MORC4: variants seen among roughly 807,000 people sequenced by gnomAD.
MORC4 encodes MORC family CW-type zinc finger 4, also known as MORC family CW-type zinc finger protein 4.
A neutral mutation model predicts 65.5 loss-of-function variants in MORC4; 22 were observed. That is an observed-to-expected ratio of 0.34 (90% CI 0.24 to 0.48). The LOEUF (loss-of-function observed/expected upper bound fraction) is 0.48. MORC4 is among the 20% of genes least tolerant of loss of function. The pLI is 0.99. For synonymous variants in MORC4, 267 were observed against 255.8 expected (o/e 1.04, Z -0.42); for missense variants, 624 against 703.0 (o/e 0.89, Z 1.27).
intron 3 of MORC4, 30 bp downstream of exon 3, chrX:106,993,200 A>G (rs1486507092): frequency 1.5e-5 from 18 of 1,196,493 alleles, no homozygotes; most frequent in Non-Finnish European, 2.0e-5. Flanking sequence ...TGAGCTTAAG[A>G]CAAGAAAAAG....
chrX:106,990,739 G>A (rs1162617595), intron 3 of MORC4, among the ~76,000 whole-genome samples: 2 of 111,724 alleles, frequency 1.8e-5, no homozygotes, highest in African/African-American at 6.5e-5. Context: ...GGGCGTGATT[G>A]TACCTGCCTG....
Position 106,960,325 on chromosome X carries a change from G to C in MORC4, c.1256+1687C>G, listed in dbSNP as rs768067050. On this transcript the variant is annotated intron_variant, in intron 10 of 16. Coordinates refer to ENST00000355610, the MANE Select transcript of MORC4 (RefSeq NM_024657.5). The stretch of plus-strand genomic sequence containing the variant: ...AGATCATGGTAGATCCTTCAATCCA[G>C]GCAGACAGGAGAGGCTTTTAGCCCA... Among the ~76,000 whole-genome samples, 8 of 112,378 alleles carry C rather than the reference G, an allele frequency of 7.1e-5. No individual in the cohort carries two copies. In the South Asian group the frequency reaches 2.6e-3, roughly 37 times the overall value.
At chrX:106,984,155 G>A (rs766551440) in intron 5 of MORC4, among the ~76,000 whole-genome samples, 122 of 109,309 alleles carry the variant, frequency 1.1e-3, no homozygotes, top group African/African-American at 3.9e-3. Flanking sequence ...ACATGGTGGC[G>A]CACACCTGTA....
intron 14 of MORC4, among the ~76,000 whole-genome samples, chrX:106,947,571 T>TTATATATATATATATATATATAATA (rs764069844): frequency 3.8e-5 from 3 of 77,956 alleles, no homozygotes; most frequent in Non-Finnish European, 7.0e-5. Flanking sequence ...TATATATATA[T>TTATATATATATATATATATATAATA]TATATATATA....
chrX:106,977,184 C>T (rs1340156329), intron 8 of MORC4, among the ~76,000 whole-genome samples: 1 of 111,793 alleles, frequency 8.9e-6, no homozygotes, highest in Non-Finnish European at 1.9e-5. Flanking sequence ...GTCACACTTA[C>T]AGCAATTATT....
intron 3 of MORC4, among the ~76,000 whole-genome samples, chrX:106,991,761 C>T (rs1055089367): frequency 4.5e-5 from 5 of 110,768 alleles, no homozygotes; most frequent in African/African-American, 1.3e-4. Flanking sequence ...AAAAATTAGC[C>T]GGGCATGGTG....
intron 10 of MORC4, 36 bp downstream of exon 10, chrX:106,961,976 C>G: frequency 9.7e-7 from 1 of 1,029,650 alleles, no homozygotes; most frequent in Non-Finnish European, 1.4e-6. Flanking sequence ...ATGGATATTA[C>G]CCCTAATACA....
chrX:106,999,575 CGGCCCG>C, intron 2 of MORC4, 96 bp downstream of exon 2: 1 of 814,036 alleles, frequency 1.2e-6, no homozygotes. Context: ...ACCCCAGCCC[CGGCCCG>C]CCCCGCGCGG....
intron 9 of MORC4, among the ~76,000 whole-genome samples, chrX:106,963,846 C>T (rs1362624357): frequency 2.7e-5 from 3 of 109,367 alleles, no homozygotes; most frequent in African/African-American, 1.0e-4. Context: ...CAGGTCAATC[C>T]TTGGCACAGA....
chrX:106,980,770 T>C, intron 7 of MORC4, 121 bp downstream of exon 7: 1 of 598,391 alleles, frequency 1.7e-6, no homozygotes, highest in East Asian at 3.4e-5. Flanking sequence ...TAATAGAATG[T>C]GTACTATGAC....
At chrX:106,999,384 A>G (rs1935136996) in intron 2 of MORC4, among the ~76,000 whole-genome samples, 1 of 111,234 alleles carries the variant, frequency 9.0e-6, no homozygotes, top group South Asian at 3.8e-4. Context: ...TCTCCTTTTG[A>G]TTACTAACTA....
chrX:106,989,775 G>A (rs1197789957), intron 3 of MORC4, among the ~76,000 whole-genome samples: 1 of 107,325 alleles, frequency 9.3e-6, no homozygotes, highest in East Asian at 2.9e-4. Context: ...GCTGAGGTAG[G>A]AGAATCACTT....
At chrX:106,969,971 A>G (rs1437193185) in intron 9 of MORC4, among the ~76,000 whole-genome samples, 5 of 112,020 alleles carry the variant, frequency 4.5e-5, no homozygotes, top group Non-Finnish European at 9.4e-5. Flanking sequence ...TCCCTAACTC[A>G]TTTTATGAGG....
Position 106,989,866 on chromosome X carries a change from C to CAA in MORC4, c.308+3362_308+3363dup, listed in dbSNP as rs752325388. 8.5e-4 allele frequency among the ~76,000 whole-genome samples: 46 copies of CAA among 54,142 alleles called. 1 individual carries two copies. The highest frequency in any genetic ancestry group is 3.4e-4 in the Non-Finnish European group (9 of 26,559). The allele number at this position is 54,142 out of a possible 115,157, so 47.0% of individuals were successfully genotyped here. ...TGGGCAACAAGAGTGAAACTCCATC[C>CAA]AAAAAAAAAAAAAAAACCCAGAAAA... On this transcript the variant is annotated intron_variant, in intron 3 of 16. Transcript: ENST00000355610.
chrX:106,990,730 G>C (rs1934964785), intron 3 of MORC4, among the ~76,000 whole-genome samples: 1 of 111,648 alleles, frequency 9.0e-6, no homozygotes, highest in South Asian at 3.8e-4. Flanking sequence ...AAATTAGCTG[G>C]GCGTGATTGT....
intron 15 of MORC4, 145 bp from the exon 16 acceptor site, chrX:106,942,366 T>C: frequency 1.1e-6 from 1 of 872,759 alleles, no homozygotes; most frequent in Non-Finnish European, 1.6e-6. Flanking sequence ...GGAAGCCTAC[T>C]ACAGTTACTC....
chrX:106,998,142 G>A (rs914394853), intron 2 of MORC4, among the ~76,000 whole-genome samples: 2 of 112,151 alleles, frequency 1.8e-5, no homozygotes, highest in South Asian at 7.4e-4. Flanking sequence ...TGGAGAAAAT[G>A]ATTGAAGGAA....
At chrX:106,990,431 AT>A (rs1934958619) in intron 3 of MORC4, among the ~76,000 whole-genome samples, 1 of 110,044 alleles carries the variant, frequency 9.1e-6, no homozygotes, top group Non-Finnish European at 1.9e-5. Context: ...TAATTTTTGT[AT>A]TTTTTTGTAA....
chrX:106,996,237 A>C (rs1462600002), intron 2 of MORC4, among the ~76,000 whole-genome samples: 1 of 96,717 alleles, frequency 1.0e-5, no homozygotes, highest in Non-Finnish European at 2.0e-5. Flanking sequence ...TAACACAGGC[A>C]CTTCAGGAGT....
Sources: allele counts gnomAD v4.1 joint callset (sites outside exome capture counted in the v4.1 genomes callset), GRCh38; gene constraint gnomAD v4.1.1; transcripts MANE v1.5; gene names NCBI Gene and HGNC (gene_info 2026-07-23, HGNC 2026-07-21).